Variants in LMO7 observed in about 807,000 individuals in gnomAD.
LMO7 encodes the protein LIM domain 7, also known as LIM domain only protein 7.
LMO7 carries 120 observed loss-of-function variants against 206.5 expected under a neutral mutation model. That is an observed-to-expected ratio of 0.58 (90% confidence interval 0.50 to 0.68). The LOEUF (loss-of-function observed/expected upper bound fraction) is 0.68, where lower values mean the gene tolerates loss of function less well. Among genes scored for constraint, LMO7 ranks in the 30% least tolerant of loss-of-function variants. LMO7 has a pLI of 0.00. For missense variants in LMO7, 1,959 were observed against 1,957.9 expected (o/e 1.00, Z -0.01); for synonymous variants, 706 against 681.5 (o/e 1.04, Z -0.56).
In LMO7 at chr13:75,676,377, G is replaced by A. The variant is rs150098157; in HGVS notation, c.70-36805G>A. Among the ~76,000 whole-genome samples, 851 of 152,086 alleles carry A rather than the reference G, an allele frequency of 5.6e-3. 7 individuals carry two copies. The highest frequency in any genetic ancestry group is 0.018 in the African/African-American group (764 of 41,468). On this transcript the variant is annotated intron_variant, in intron 1 of 30. Transcript: ENST00000377534. ...AACAAAAAAAGATTTTTCAAAGCTC[G>A]CCCTTCTATATCTAAGTTATATACG...
At chr13:75,799,926 C>T (rs1428161938) in intron 6 of LMO7, among the ~76,000 whole-genome samples, 2 of 152,158 alleles carry the variant, frequency 1.3e-5, no homozygotes, top group Non-Finnish European at 2.9e-5. Flanking sequence ...CTATATAATT[C>T]ACAAACCTAC....
chr13:75,669,326 A>G (rs931855644), intron 1 of LMO7, among the ~76,000 whole-genome samples: 12 of 152,120 alleles, frequency 7.9e-5, no homozygotes, highest in Admixed American at 5.2e-4. Flanking sequence ...ACCTACAAAT[A>G]GTTAAATATT....
chr13:75,732,671 A>G (rs1465580209), intron 3 of LMO7, among the ~76,000 whole-genome samples: 1 of 152,170 alleles, frequency 6.6e-6, no homozygotes, highest in African/African-American at 2.4e-5. Flanking sequence ...CTGGTGAGGA[A>G]CTGCGTTTCT....
intron 13 of LMO7, among the ~76,000 whole-genome samples, chr13:75,819,756 TA>T (rs1257833866): frequency 2.6e-5 from 4 of 152,198 alleles, no homozygotes; most frequent in African/African-American, 9.6e-5. Context: ...GGACTTAAAA[TA>T]GGTGTTCATT....
chr13:75,855,409 G>C, intron 29 of LMO7, 41 bp downstream of exon 29: 1 of 1,360,682 alleles, frequency 7.3e-7, no homozygotes, highest in Non-Finnish European at 1.0e-6. Context: ...GCAAAGCTTT[G>C]CTTGGAGAGC....
intron 15 of LMO7, among the ~76,000 whole-genome samples, chr13:75,827,335 C>T (rs1037621312): frequency 1.3e-5 from 2 of 152,080 alleles, no homozygotes; most frequent in Admixed American, 6.6e-5. Context: ...AGTTATTTTA[C>T]GAAAGCTAAG....
intron 1 of LMO7, among the ~76,000 whole-genome samples, chr13:75,679,337 A>G (rs1244829640): frequency 2.0e-5 from 3 of 152,200 alleles, no homozygotes; most frequent in East Asian, 1.9e-4. Flanking sequence ...TCCAGAGGCA[A>G]TAGGCTGAGA....
intron 23 of LMO7, 96 bp from the exon 24 acceptor site, chr13:75,841,532 T>C: frequency 2.3e-6 from 2 of 877,114 alleles, no homozygotes; most frequent in Non-Finnish European, 3.5e-6. Flanking sequence ...GGGCCAACTA[T>C]AGTTAGTAGC....
chr13:75,795,748 A>C (rs1205259207), intron 5 of LMO7, among the ~76,000 whole-genome samples: 3 of 152,138 alleles, frequency 2.0e-5, no homozygotes, highest in Admixed American at 6.5e-5. Flanking sequence ...ATGGCTGCAT[A>C]GTATTCTAGA....
At chr13:75,750,014 ATTAG>A (rs2047144212) in intron 3 of LMO7, among the ~76,000 whole-genome samples, 1 of 152,154 alleles carries the variant, frequency 6.6e-6, no homozygotes, top group Non-Finnish European at 1.5e-5. Context: ...CTATGCCATT[ATTAG>A]TTATACCATA....
chr13:75,666,239 T>A (rs2039063770), intron 1 of LMO7, among the ~76,000 whole-genome samples: 1 of 152,232 alleles, frequency 6.6e-6, no homozygotes, highest in African/African-American at 2.4e-5. Context: ...GTTAAGCTTG[T>A]GGGAATTATT....
At chr13:75,723,301 A>G (rs1404524404) in intron 2 of LMO7, among the ~76,000 whole-genome samples, 1 of 152,196 alleles carries the variant, frequency 6.6e-6, no homozygotes, top group Non-Finnish European at 1.5e-5. Flanking sequence ...TAATGTGAGG[A>G]TGTATATTTA....
intron 4 of LMO7, 115 bp downstream of exon 4, chr13:75,761,153 CTG>C: frequency 1.5e-6 from 1 of 658,656 alleles, no homozygotes; most frequent in Non-Finnish European, 2.5e-6. Context: ...TCTGTTCTCT[CTG>C]TTTTCCTCTG....
rs541702866 is a variant in LMO7 at position 75,786,450 on chromosome 13, T to C, written c.318-8951T>C. Among the ~76,000 whole-genome samples, 10 of 151,542 alleles carry C rather than the reference T, an allele frequency of 6.6e-5. No homozygotes were observed. The East Asian group carries it at 1.4e-3, about 21-fold the overall frequency. The stretch of plus-strand genomic sequence containing the variant: ...AGTGCAGTGGCGCAATCTCGGCTCA[T>C]TGCAAGCTCCACCTCCCAAGTTCAC... On this transcript the variant is annotated intron_variant, in intron 4 of 30. Transcript: ENST00000377534.
intron 1 of LMO7, among the ~76,000 whole-genome samples, chr13:75,680,229 C>T (rs777025793): frequency 1.1e-4 from 16 of 152,334 alleles, no homozygotes; most frequent in Non-Finnish European, 2.1e-4. Flanking sequence ...GGCATGATCT[C>T]GTTCCCTTTT....
At chr13:75,820,958 A>G (rs2057514243) in intron 13 of LMO7, among the ~76,000 whole-genome samples, 1 of 151,442 alleles carries the variant, frequency 6.6e-6, no homozygotes, top group Non-Finnish European at 1.5e-5. Flanking sequence ...AGATCGTGCC[A>G]CTGCACTCCA....
At chr13:75,690,318 T>G (rs1271824992) in intron 1 of LMO7, among the ~76,000 whole-genome samples, 1 of 152,058 alleles carries the variant, frequency 6.6e-6, no homozygotes, top group Non-Finnish European at 1.5e-5. Context: ...TGGTCCAGGC[T>G]GGGGGGTCTT....
chr13:75,751,570 C>G (rs2047275459), intron 3 of LMO7, among the ~76,000 whole-genome samples: 1 of 152,152 alleles, frequency 6.6e-6, no homozygotes, highest in Non-Finnish European at 1.5e-5. Context: ...GGGAACACTT[C>G]CAGGTGGTGT....
At position 75,821,454 on chromosome 13, in the gene LMO7, C is replaced by T. The variant is rs41286128; in HGVS notation, c.2485C>T (p.Arg829Cys). Residue 829 changes from arginine (R) to cysteine (C), a missense_variant, in exon 14 of 31, where the codon CGT becomes TGT. Physicochemically the swap from Arg to Cys is radical, Grantham distance 180. Coordinates refer to ENST00000377534, the MANE Select transcript of LMO7 (RefSeq NM_001306080.2). ...AAGCCCAGCCTCTTTGTCTTCTCTG[C>T]GTTCACGGAGCACACAAATGGAATC... ...EQSPASLSSL[R>C]SRSTQMESTR... 38 of 1,614,026 alleles carry T rather than the reference C, an allele frequency of 2.4e-5. No homozygotes were observed. Among genetic ancestry groups the T allele is most frequent in the Admixed American group, 1.3e-4 (8 of 60,002 alleles).
Sources: allele counts gnomAD v4.1 joint callset (sites outside exome capture counted in the v4.1 genomes callset), GRCh38; gene constraint gnomAD v4.1.1; transcripts MANE v1.5; gene names NCBI Gene and HGNC (gene_info 2026-07-23, HGNC 2026-07-21).